DCUN1D4: variants seen among roughly 807,000 people sequenced by gnomAD.
DCUN1D4 encodes the protein defective in cullin neddylation 1 domain containing 4, also known as DCN1-like protein 4.
DCUN1D4 carries 22 observed loss-of-function variants against 47.9 expected under a neutral mutation model. The ratio of observed to expected loss-of-function variants is 0.46; its 90% CI spans 0.33 to 0.66. DCUN1D4 has a LOEUF of 0.66. DCUN1D4 is among the 30% of genes least tolerant of loss of function. The probability of loss-of-function intolerance (pLI) is 0.02; values close to 1 mark genes in which losing one functional copy is unlikely to be tolerated. For synonymous variants in DCUN1D4, 121 were observed against 112.2 expected (o/e 1.08, Z -0.50); for missense variants, 301 against 340.8 (o/e 0.88, Z 0.92).
chr4:51,863,814 A>T, intron 3 of DCUN1D4, 105 bp downstream of exon 3: 1 of 1,216,732 alleles, frequency 8.2e-7, no homozygotes, highest in Non-Finnish European at 1.2e-6. Flanking sequence ...TACTCCATTA[A>T]CAAATTGTTC....
upstream of DCUN1D4, among the ~76,000 whole-genome samples, chr4:51,838,402 G>T (rs1397318445): frequency 6.6e-6 from 1 of 151,938 alleles, no homozygotes; most frequent in African/African-American, 2.4e-5. Flanking sequence ...ATTTATTTGA[G>T]GCAGGGTCTC....
At chr4:51,834,084 C>CTCTT in the DCUN1D4 span, among the ~76,000 whole-genome samples, 319 of 44,944 alleles carry the variant, frequency 7.1e-3, 9 homozygotes, top group African/African-American at 0.04. Context: ...CTCTCTCTCT[C>CTCTT]TCTTTTCTTT....
intron 3 of DCUN1D4, 26 bp downstream of exon 3, chr4:51,863,735 A>C: frequency 6.2e-7 from 1 of 1,601,580 alleles, no homozygotes; most frequent in Non-Finnish European, 8.5e-7. Flanking sequence ...AACACTACTT[A>C]ATTTTAAATA....
In DCUN1D4 at chr4:51,899,370, T is replaced by A; in HGVS notation, c.607T>A (p.Phe203Ile). The change falls in exon 8 of 11, where the codon TTT becomes ATT. Residue 203 changes from phenylalanine to isoleucine, a missense_variant. By Grantham distance (21) the Phe-to-Ile change is conservative. Around this residue, in one of 2 missense-constraint regions of DCUN1D4, gnomAD observed 170 missense variants for 234.5 expected, o/e 0.73. Coordinates refer to ENST00000334635, the MANE Select transcript of DCUN1D4 (RefSeq NM_001040402.3). ...ACTTATTTACAGATATGCGTTTGAC[T>A]TTGCACGGGTGAGTTCTCTGGAGCC... ...FKLIYRYAFD[F>I]AREKDQRSLD... 1 of 1,605,968 alleles carries A rather than the reference T, an allele frequency of 6.2e-7. No individual in the cohort carries two copies. The highest frequency in any genetic ancestry group is 8.5e-7 in the Non-Finnish European group (1 of 1,176,310).
Position 51,886,638 on chromosome 4 carries a change from CG to C in DCUN1D4, c.414+1del. 6.2e-7 allele frequency: 1 copy of C among 1,613,614 alleles called. No homozygotes were observed. The highest frequency in any genetic ancestry group is 8.5e-7 in the Non-Finnish European group (1 of 1,179,670). ...AAGACATTGGTGTTGAACCAGAAAA[CG>C]TGAGTCAAACTTACTGAGTTGGGTG... On this transcript the variant is annotated splice_donor_variant, in intron 6 of 10. Coordinates refer to ENST00000334635, the MANE Select transcript of DCUN1D4 (RefSeq NM_001040402.3). LOFTEE classifies it high-confidence loss of function.
intron 1 of DCUN1D4, among the ~76,000 whole-genome samples, chr4:51,852,751 A>G (rs923514983): frequency 6.6e-6 from 1 of 152,222 alleles, no homozygotes; most frequent in Non-Finnish European, 1.5e-5. Context: ...TAATCCCCAC[A>G]GTAGCTTCGC....
chr4:51,898,026 C>T (rs1731530420), intron 7 of DCUN1D4, among the ~76,000 whole-genome samples: 1 of 152,170 alleles, frequency 6.6e-6, no homozygotes, highest in Non-Finnish European at 1.5e-5. Context: ...CAGGTATCAC[C>T]AATGGATGCT....
At position 51,843,675 on chromosome 4, in the gene DCUN1D4, C is replaced by G. The variant is rs756402071; in HGVS notation, c.25+408C>G. ...CGGGGAGAGGGAGGGAGCGAGCGAG[C>G]GAGCGGGGCACAAGGGTGAGGATTT... On this transcript the variant is annotated intron_variant, in intron 1 of 10. Transcript: ENST00000334635. 5.7e-5 allele frequency: 70 copies of G among 1,231,560 alleles called. No individual in the cohort carries two copies. In the African/African-American group the frequency reaches 5.9e-4, roughly 10 times the overall value. 76.3% of individuals were successfully genotyped at this position (1,231,560 alleles called of 1,614,324 possible).
At chr4:51,844,525 G>A in intron 1 of DCUN1D4, 1 of 437,690 alleles carries the variant, frequency 2.3e-6, no homozygotes, top group Non-Finnish European at 3.0e-6. Flanking sequence ...TTGGCGCCGG[G>A]GAGGTGTCGG....
At chr4:51,878,429 G>T (rs968292769) in intron 5 of DCUN1D4, among the ~76,000 whole-genome samples, 1 of 152,136 alleles carries the variant, frequency 6.6e-6, no homozygotes. Context: ...CAAGCTGAAG[G>T]CTCTTTTATC....
At chr4:51,859,222 T>C (rs562804472) in intron 1 of DCUN1D4, among the ~76,000 whole-genome samples, 3 of 152,304 alleles carry the variant, frequency 2.0e-5, no homozygotes, top group South Asian at 4.1e-4. Context: ...AATATCTCTT[T>C]ACGTGTATAT....
rs199674480 is a variant in DCUN1D4, at chr4:51,863,469, G to A, written c.58G>A (p.Ala20Thr). The A allele has an allele frequency of 4.8e-5, 78 of 1,612,418 alleles. No homozygotes were observed. The highest frequency in any genetic ancestry group is 4.2e-6 in the Non-Finnish European group (5 of 1,179,392). ...FQLNSHLSTL[A>T]NIHKIYHTLN... is the part of the protein sequence containing the mutation. ...GCTGAACTCTCATCTCTCAACACTG[G>A]CAAATATTCATAAGATCTACCACAC... is the stretch of plus-strand genomic sequence containing the variant. The change falls in exon 2 of 11, where the codon GCA (alanine) becomes ACA (threonine). Residue 20 changes from alanine (A) to threonine (T), a missense_variant. Coordinates refer to ENST00000334635, the MANE Select transcript of DCUN1D4 (RefSeq NM_001040402.3).
the DCUN1D4 span, among the ~76,000 whole-genome samples, chr4:51,834,114 C>CTTTTTTTTTTTTTTT: frequency 8.1e-5 from 3 of 37,204 alleles, no homozygotes; most frequent in African/African-American, 2.1e-4. Context: ...TTTTTTTTTT[C>CTTTTTTTTTTTTTTT]TTTTTTTTTT....
intron 8 of DCUN1D4, among the ~76,000 whole-genome samples, chr4:51,909,726 TTATGTGA>T (rs1477746418): frequency 3.3e-5 from 5 of 152,170 alleles, no homozygotes; most frequent in Non-Finnish European, 5.9e-5. Context: ...CAGACTTAAG[TTATGTGA>T]CCTCTGAAAG....
intron 3 of DCUN1D4, among the ~76,000 whole-genome samples, chr4:51,871,465 A>G (rs892763420): frequency 6.6e-6 from 1 of 152,210 alleles, no homozygotes; most frequent in African/African-American, 2.4e-5. Flanking sequence ...ATTGGTGAAT[A>G]TATTGGTGTA....
At chr4:51,912,490 T>G (rs1213732630) in intron 9 of DCUN1D4, among the ~76,000 whole-genome samples, 7 of 152,234 alleles carry the variant, frequency 4.6e-5, no homozygotes. Flanking sequence ...TCAAAACCAT[T>G]GACTCAACTC....
upstream of DCUN1D4, among the ~76,000 whole-genome samples, chr4:51,838,971 AG>A (rs1472283995): frequency 6.6e-6 from 1 of 152,092 alleles, no homozygotes; most frequent in African/African-American, 2.4e-5. Flanking sequence ...GCTACTTGAG[AG>A]GCTGAGGCAG....
At chr4:51,890,906 G>T (rs573667760) in intron 6 of DCUN1D4, among the ~76,000 whole-genome samples, 49 of 152,370 alleles carry the variant, frequency 3.2e-4, no homozygotes, top group African/African-American at 1.1e-3. Flanking sequence ...GCATAAACCA[G>T]AGTTGTCACT....
At position 51,913,606 on chromosome 4, in the gene DCUN1D4, A is replaced by C. The variant is rs1156889718; in HGVS notation, c.*22A>C. 4.9e-5 allele frequency: 78 copies of C among 1,607,574 alleles called. No homozygotes were observed. The highest frequency in any genetic ancestry group is 6.2e-5 in the Non-Finnish European group (73 of 1,175,650). On this transcript the variant is annotated 3_prime_UTR_variant, in exon 11 of 11. Coordinates refer to ENST00000334635, the MANE Select transcript of DCUN1D4 (RefSeq NM_001040402.3). The stretch of plus-strand genomic sequence containing the variant: ...CTAGGACTTTATGCATAGCAGCGAG[A>C]GAGTCACTGTTACCACAGTTTTGTC...
Sources: allele counts gnomAD v4.1 joint callset (sites outside exome capture counted in the v4.1 genomes callset), GRCh38; gene constraint gnomAD v4.1.1; regional missense constraint gnomAD v4.1.1; transcripts MANE v1.5; gene names NCBI Gene and HGNC (gene_info 2026-07-23, HGNC 2026-07-21).